DGKG: variants seen among roughly 807,000 people sequenced by gnomAD.
DGKG encodes the protein DAG kinase gamma.
In DGKG, 78 loss-of-function variants were observed where a neutral mutation model predicts 105.3. The observed-to-expected ratio is 0.74, with a 90% CI of 0.62 to 0.89. The LOEUF is 0.89. DGKG is among the 40% of genes least tolerant of loss of function. The probability of loss-of-function intolerance (pLI) is 0.00; values close to 1 mark genes in which losing one functional copy is unlikely to be tolerated. For missense variants in DGKG, 958 were observed against 1,020.1 expected, an observed-to-expected ratio of 0.94 and a Z score of 0.83; for synonymous variants, 346 against 367.1, an observed-to-expected ratio of 0.94 and a Z score of 0.66.
At chr3:186,188,694 T>G (rs1717760961) in intron 21 of DGKG, among the ~76,000 whole-genome samples, 1 of 152,120 alleles carries the variant, frequency 6.6e-6, no homozygotes, top group African/African-American at 2.4e-5. Context: ...TGTTCTCCAG[T>G]CTAATCTCAT....
At chr3:186,274,974 C>T (rs982233566) in intron 10 of DGKG, among the ~76,000 whole-genome samples, 1 of 152,134 alleles carries the variant, frequency 6.6e-6, no homozygotes, top group African/African-American at 2.4e-5. Flanking sequence ...CTGTCTTCCA[C>T]AATGGTTGAA....
intron 22 of DGKG, among the ~76,000 whole-genome samples, chr3:186,177,951 G>GAGGT (rs3049461): frequency 0.06 from 9,173 of 152,172 alleles, 767 homozygotes; most frequent in African/African-American, 0.19. Context: ...ATGGTATTTG[G>GAGGT]AGGTAGGCCC....
At chr3:186,266,840 G>A (rs1251030297) in intron 13 of DGKG, among the ~76,000 whole-genome samples, 1 of 152,044 alleles carries the variant, frequency 6.6e-6, no homozygotes, top group Admixed American at 6.5e-5. Flanking sequence ...CAGGTGATCC[G>A]CCTGCCTCAG....
chr3:186,314,234 T>G (rs1470497583), intron 2 of DGKG, among the ~76,000 whole-genome samples: 1 of 150,878 alleles, frequency 6.6e-6, no homozygotes, highest in Non-Finnish European at 1.5e-5. Flanking sequence ...CATTAATGTA[T>G]GTTTGAAGGT....
At chr3:186,351,674 G>A (rs1726636746) in intron 1 of DGKG, among the ~76,000 whole-genome samples, 1 of 152,182 alleles carries the variant, frequency 6.6e-6, no homozygotes, top group Non-Finnish European at 1.5e-5. Context: ...ATAACTCAGG[G>A]AAATGTGGTA....
intron 3 of DGKG, among the ~76,000 whole-genome samples, chr3:186,298,457 T>C (rs768042443): frequency 1.1e-4 from 17 of 152,052 alleles, no homozygotes; most frequent in Non-Finnish European, 2.2e-4. Flanking sequence ...TGCAGTTGCA[T>C]ATTGGGGCTT....
intron 2 of DGKG, among the ~76,000 whole-genome samples, chr3:186,318,000 G>T (rs928324624): frequency 2.6e-5 from 4 of 152,036 alleles, no homozygotes; most frequent in African/African-American, 9.7e-5. Flanking sequence ...TCCTTTTGTT[G>T]TACGTGCATT....
rs529340976 is a variant in DGKG, at chr3:186,149,092, G to A, written c.*998C>T. 2 of 984,814 alleles carry A rather than the reference G, an allele frequency of 2.0e-6. No homozygotes were observed. Among genetic ancestry groups the A allele is most frequent in the South Asian group, 9.4e-5 (2 of 21,266 alleles). 61.0% of individuals were successfully genotyped at this position (984,814 alleles called of 1,614,324 possible). A position where few individuals can be genotyped will look rare whatever the true frequency, so the allele number is the denominator to read the frequency against. On this transcript the variant is annotated 3_prime_UTR_variant, in exon 25 of 25. Coordinates refer to ENST00000265022, the MANE Select transcript of DGKG (RefSeq NM_001346.3). ...ATACTCTGGGAGTGGTGAGTGCAAAGAAGCAGGAGGGAACCGTCTCCTGGT... is the reference window on the plus strand; with the variant it reads ...ATACTCTGGGAGTGGTGAGTGCAAAAAAGCAGGAGGGAACCGTCTCCTGGT...
intron 1 of DGKG, among the ~76,000 whole-genome samples, chr3:186,329,548 A>G (rs1445066974): frequency 1.3e-5 from 2 of 152,202 alleles, no homozygotes; most frequent in Non-Finnish European, 2.9e-5. Flanking sequence ...ATCAGATTGG[A>G]GAAGCCTATT....
At chr3:186,276,121 A>G (rs1722577264) in intron 9 of DGKG, among the ~76,000 whole-genome samples, 2 of 152,202 alleles carry the variant, frequency 1.3e-5, no homozygotes, top group Non-Finnish European at 2.9e-5. Flanking sequence ...GTGCCCTGCC[A>G]GATGCTTAAC....
chr3:186,176,218 A>G (rs1486875753), intron 22 of DGKG, among the ~76,000 whole-genome samples: 1 of 152,148 alleles, frequency 6.6e-6, no homozygotes, highest in Non-Finnish European at 1.5e-5. Context: ...GCATTACTTT[A>G]CCCACTGAGC....
intron 11 of DGKG, among the ~76,000 whole-genome samples, chr3:186,271,553 C>A (rs779436591): frequency 4.6e-5 from 7 of 152,196 alleles, no homozygotes; most frequent in Non-Finnish European, 7.3e-5. Context: ...TCCCACATCA[C>A]ACTCAGAGCT....
chr3:186,150,123 G>C lies in DGKG; in HGVS notation c.2343C>G (p.Phe781Leu). The C allele has an allele frequency of 6.2e-7, 1 of 1,613,780 alleles. No individual in the cohort carries two copies. Among genetic ancestry groups the C allele is most frequent in the East Asian group, 2.2e-5 (1 of 44,862 alleles). Residue 781 changes from phenylalanine (F) to leucine (L), a missense_variant, in exon 25 of 25, where the codon TTC (phenylalanine) becomes TTG (leucine). Transcript: ENST00000265022. ...MMGPPQKSSF[F>L]SLRRKSRSKD Reference sequence around the variant, plus strand: ...TTGAACGGCTCTTCCTTCTCAACGAGAAGAAGCTGCTCTTCTGGGGAGGCC... The same window carrying C: ...TTGAACGGCTCTTCCTTCTCAACGACAAGAAGCTGCTCTTCTGGGGAGGCC...
intron 3 of DGKG, among the ~76,000 whole-genome samples, chr3:186,305,944 G>C (rs892960679): frequency 5.9e-5 from 9 of 152,166 alleles, no homozygotes; most frequent in Non-Finnish European, 1.3e-4. Flanking sequence ...TGTTAAGTTT[G>C]AGATGCCCAT....
chr3:186,189,932 C>T (rs1717825326), intron 21 of DGKG, among the ~76,000 whole-genome samples: 1 of 152,122 alleles, frequency 6.6e-6, no homozygotes, highest in Admixed American at 6.5e-5. Context: ...ATAGGCCACC[C>T]CCTAGATAGA....
At chr3:186,237,857 A>G (rs1019473694) in intron 20 of DGKG, among the ~76,000 whole-genome samples, 4 of 152,192 alleles carry the variant, frequency 2.6e-5, no homozygotes, top group African/African-American at 9.7e-5. Context: ...GAATGCTAAT[A>G]TTTATCTTGA....
chr3:186,263,549 A>G (rs1721890479), intron 14 of DGKG, among the ~76,000 whole-genome samples: 1 of 151,944 alleles, frequency 6.6e-6, no homozygotes, highest in Admixed American at 6.6e-5. Flanking sequence ...CCTGGGAGAC[A>G]AGAGCGAAAC....
intron 9 of DGKG, among the ~76,000 whole-genome samples, chr3:186,278,300 G>C (rs116765469): frequency 1.3e-5 from 2 of 152,096 alleles, no homozygotes; most frequent in Non-Finnish European, 2.9e-5. Flanking sequence ...CTTCCATTTT[G>C]TCTTGAGTAT....
chr3:186,263,103 G>A lies in DGKG; in HGVS notation c.1270-1325C>T, dbSNP rs144640168. 2.4e-3 allele frequency among the ~76,000 whole-genome samples: 364 copies of A among 151,376 alleles called. 2 individuals are homozygous for A. The highest frequency in any genetic ancestry group is 7.3e-3 in the African/African-American group (302 of 41,226). On this transcript the variant is annotated intron_variant, in intron 14 of 24. Transcript: ENST00000265022. ...GATCTCGCCACCGCACTCCAGCCTG[G>A]GCGACAGAGCAAGACTCCGTCTCGG...
Sources: allele counts gnomAD v4.1 joint callset (sites outside exome capture counted in the v4.1 genomes callset), GRCh38; gene constraint gnomAD v4.1.1; transcripts MANE v1.5; gene names NCBI Gene and HGNC (gene_info 2026-07-23, HGNC 2026-07-21).